The following RHOBTB1 variants were observed in gnomAD, a reference collection of about 807,000 sequenced individuals.
RHOBTB1 encodes rho-related BTB domain-containing protein 1.
RHOBTB1 carries 40 observed loss-of-function variants against 71.6 expected under a neutral mutation model. That is an observed-to-expected ratio of 0.56 (90% CI 0.43 to 0.73). The LOEUF (loss-of-function observed/expected upper bound fraction) is 0.73, where lower values mean the gene tolerates loss of function less well. Ranked by LOEUF, RHOBTB1 falls within the 30% of genes least tolerant of loss-of-function variation. The pLI is 0.00. For synonymous variants in RHOBTB1, 319 were observed against 334.9 expected (o/e 0.95, Z 0.52); for missense variants, 797 against 894.0 (o/e 0.89, Z 1.38).
chr10:60,866,849 T>C (rs955355685), downstream of RHOBTB1, among the ~76,000 whole-genome samples: 2 of 152,114 alleles, frequency 1.3e-5, no homozygotes, highest in Non-Finnish European at 1.5e-5. Context: ...ACCACTGTCA[T>C]GAAGCACTAA....
intron 2 of RHOBTB1, among the ~76,000 whole-genome samples, chr10:60,957,709 C>T (rs949912520): frequency 2.0e-5 from 3 of 152,106 alleles, no homozygotes; most frequent in African/African-American, 7.2e-5. Context: ...ATTTAATAAC[C>T]TGCTTCTGAA....
In RHOBTB1 at chr10:60,995,862, G is replaced by T. The variant is rs573202115; in HGVS notation, c.-163+5537C>A. On this transcript the variant is annotated intron_variant, in intron 1 of 11. Coordinates refer to the RHOBTB1 transcript ENST00000357917. ...CCCCCAAGATAAAAAAAAAAATCAG[G>T]TTCAAGCAGGTTGCTGAGACTTGCC... Among the ~76,000 whole-genome samples the T allele has an allele frequency of 5.9e-5, 9 of 151,860 alleles. No homozygotes were observed. In the South Asian group the frequency reaches 1.9e-3, roughly 32 times the overall value.
At chr10:60,883,329 T>C (rs1235687495) in intron 7 of RHOBTB1, among the ~76,000 whole-genome samples, 1 of 152,228 alleles carries the variant, frequency 6.6e-6, no homozygotes, top group Non-Finnish European at 1.5e-5. Flanking sequence ...CAAACAACCA[T>C]ATACATGTGC....
chr10:60,980,217 T>G (rs2086451174), intron 2 of RHOBTB1, among the ~76,000 whole-genome samples: 1 of 152,208 alleles, frequency 6.6e-6, no homozygotes, highest in Non-Finnish European at 1.5e-5. Flanking sequence ...ACATTAATGA[T>G]AGGTGATAGT....
rs191227160 is a variant in RHOBTB1 at position 60,905,247 on chromosome 10, G to A, written c.296+5640C>T. Among the ~76,000 whole-genome samples, 40 of 151,514 alleles carry A rather than the reference G, an allele frequency of 2.6e-4. No homozygotes were observed. The East Asian group carries it at 4.5e-3, about 17-fold the overall frequency. On this transcript the variant is annotated intron_variant, in intron 4 of 10. Transcript: ENST00000337910. ...GGGCAGATCACAAGGTCAGCAGTTCGAGACCACCCTGGCCAACATAGTGAA... is the reference window on the plus strand; with the variant it reads ...GGGCAGATCACAAGGTCAGCAGTTCAAGACCACCCTGGCCAACATAGTGAA...
chr10:60,961,232 T>C (rs184112171), intron 2 of RHOBTB1, among the ~76,000 whole-genome samples: 5 of 152,216 alleles, frequency 3.3e-5, no homozygotes, highest in Admixed American at 1.3e-4. Flanking sequence ...TGTGAACATA[T>C]AGGAAACCTT....
At chr10:60,890,104 G>A (rs2081841973) in intron 5 of RHOBTB1, among the ~76,000 whole-genome samples, 1 of 152,190 alleles carries the variant, frequency 6.6e-6, no homozygotes, top group African/African-American at 2.4e-5. Flanking sequence ...TCAGGCTGCT[G>A]AGAGACCTCT....
At chr10:60,931,843 A>G (rs991331448) in intron 2 of RHOBTB1, among the ~76,000 whole-genome samples, 6 of 152,206 alleles carry the variant, frequency 3.9e-5, no homozygotes, top group African/African-American at 1.4e-4. Context: ...ATAAAAAGAC[A>G]GCTGTGGATA....
intron 2 of RHOBTB1, among the ~76,000 whole-genome samples, chr10:60,974,191 T>C (rs944422896): frequency 2.6e-5 from 4 of 152,066 alleles, no homozygotes; most frequent in African/African-American, 9.7e-5. Context: ...TTCAAATACA[T>C]ATATTTAAAA....
At chr10:60,995,260 C>A (rs1228728899) in intron 1 of RHOBTB1, among the ~76,000 whole-genome samples, 4 of 152,248 alleles carry the variant, frequency 2.6e-5, no homozygotes, top group African/African-American at 9.6e-5. Context: ...ACTGAGGACT[C>A]AGTGCACATA....
chr10:60,908,267 G>A (rs895255031), intron 4 of RHOBTB1, among the ~76,000 whole-genome samples: 9 of 152,210 alleles, frequency 5.9e-5, no homozygotes, highest in Non-Finnish European at 8.8e-5. Flanking sequence ...AGAGGAAACC[G>A]AAGGCAAGGT....
chr10:60,955,043 C>CTTTTTTTTTTTTTTTT (rs34012455), intron 2 of RHOBTB1, among the ~76,000 whole-genome samples: 1 of 112,834 alleles, frequency 8.9e-6, no homozygotes, highest in African/African-American at 3.3e-5. Context: ...TTCTTTCTTT[C>CTTTTTTTTTTTTTTTT]TTTTTTTTTT....
chr10:60,953,654 G>A (rs994989851), intron 2 of RHOBTB1, among the ~76,000 whole-genome samples: 4 of 151,958 alleles, frequency 2.6e-5, no homozygotes, highest in African/African-American at 9.7e-5. Context: ...ACAGTATACA[G>A]TATACTGTTA....
chr10:60,955,598 C>T (rs1267669803), intron 2 of RHOBTB1, among the ~76,000 whole-genome samples: 1 of 152,026 alleles, frequency 6.6e-6, no homozygotes, highest in Admixed American at 6.6e-5. Flanking sequence ...ATTTGAATTG[C>T]CAGACTATTG....
chr10:60,909,755 A>T (rs1401327908), intron 4 of RHOBTB1, among the ~76,000 whole-genome samples: 1 of 152,242 alleles, frequency 6.6e-6, no homozygotes, highest in East Asian at 1.9e-4. Flanking sequence ...TACTAAGTTC[A>T]AAAGTCCTTG....
chr10:60,961,398 A>C (rs1379065352), intron 2 of RHOBTB1, among the ~76,000 whole-genome samples: 1 of 152,180 alleles, frequency 6.6e-6, no homozygotes, highest in African/African-American at 2.4e-5. Context: ...AAAGGGGGGC[A>C]AATAACACCG....
At chr10:60,970,917 G>GA (rs968246946) in intron 2 of RHOBTB1, among the ~76,000 whole-genome samples, 1 of 151,938 alleles carries the variant, frequency 6.6e-6, no homozygotes, top group Non-Finnish European at 1.5e-5. Context: ...CTCAGTATCA[G>GA]AAAAAATGTC....
intron 2 of RHOBTB1, among the ~76,000 whole-genome samples, chr10:60,973,549 G>T (rs1214344832): frequency 6.6e-6 from 1 of 151,912 alleles, no homozygotes; most frequent in African/African-American, 2.4e-5. Flanking sequence ...AATGAGGAGG[G>T]CAAAGCTTGC....
chr10:60,864,521 T>C (rs1181492687), downstream of RHOBTB1, among the ~76,000 whole-genome samples: 1 of 152,162 alleles, frequency 6.6e-6, no homozygotes, highest in East Asian at 1.9e-4. Flanking sequence ...GGGGTAACTA[T>C]GTAACTATGC....
Sources: allele counts gnomAD v4.1 joint callset (sites outside exome capture counted in the v4.1 genomes callset), GRCh38; gene constraint gnomAD v4.1.1; transcripts MANE v1.5; gene names NCBI Gene and HGNC (gene_info 2026-07-23, HGNC 2026-07-21).